SPON1: variants seen among roughly 807,000 people sequenced by gnomAD.
The protein encoded by SPON1 is spondin 1.
SPON1 carries 52 observed loss-of-function variants against 111.7 expected under a neutral mutation model. That is an observed-to-expected ratio of 0.47 (90% CI 0.37 to 0.59). SPON1 has a LOEUF of 0.59. Ranked by LOEUF, SPON1 falls within the 20% of genes least tolerant of loss-of-function variation. SPON1 has a pLI of 0.00. For synonymous variants in SPON1, 410 were observed against 395.8 expected, an observed-to-expected ratio of 1.04 and a Z score of -0.43; for missense variants, 957 against 1,068.5, an observed-to-expected ratio of 0.90 and a Z score of 1.46.
intron 3 of SPON1, among the ~76,000 whole-genome samples, chr11:14,062,962 C>G (rs1848802634): frequency 1.3e-5 from 2 of 151,934 alleles, no homozygotes; most frequent in Admixed American, 6.6e-5. Context: ...TGCTCTTGTT[C>G]CCTTACACAG....
rs1476191492 is a variant in SPON1, at chr11:14,071,945, T to C, written c.480-3400T>C. Among the ~76,000 whole-genome samples, 5 of 152,292 alleles carry C rather than the reference T, an allele frequency of 3.3e-5. No homozygotes were observed. In the East Asian group the frequency reaches 9.7e-4, roughly 29 times the overall value. ...AACTCCTGACCTCAAGTGATCCATC[T>C]ATCTCAGCCTCCCAAAGTGCTGGGA... is the stretch of plus-strand genomic sequence containing the variant. On this transcript the variant is annotated intron_variant, in intron 3 of 15. Coordinates refer to ENST00000576479, the MANE Select transcript of SPON1 (RefSeq NM_006108.4).
intron 6 of SPON1, among the ~76,000 whole-genome samples, chr11:14,169,965 A>G (rs1455715782): frequency 6.6e-6 from 1 of 152,128 alleles, no homozygotes. Flanking sequence ...CTTAGGATTG[A>G]CTTGGCAATG....
In SPON1 at chr11:14,226,028, T is replaced by C. The variant is rs572933175; in HGVS notation, c.826-17304T>C. ...GATTTTTAAAAATTTGTAATACCAGTAATGATAAATAGTGCACATAGTTGT... is the reference window on the plus strand; with the variant it reads ...GATTTTTAAAAATTTGTAATACCAGCAATGATAAATAGTGCACATAGTTGT... On this transcript the variant is annotated intron_variant, in intron 6 of 15. Transcript: ENST00000576479. Among the ~76,000 whole-genome samples the C allele has an allele frequency of 1.1e-4, 16 of 152,376 alleles. No homozygotes were observed. The South Asian group carries it at 2.9e-3, about 28-fold the overall frequency.
intron 5 of SPON1, among the ~76,000 whole-genome samples, chr11:14,113,140 C>T (rs782427063): frequency 9.2e-5 from 14 of 152,172 alleles, no homozygotes; most frequent in Admixed American, 2.0e-4. Flanking sequence ...CCTGTTGCCC[C>T]CTTACTGCAA....
intron 5 of SPON1, among the ~76,000 whole-genome samples, chr11:14,125,982 A>C (rs1355978400): frequency 6.6e-6 from 1 of 152,204 alleles, no homozygotes; most frequent in East Asian, 1.9e-4. Context: ...CCAGTGTTTT[A>C]GTTTAAGTCC....
intron 6 of SPON1, among the ~76,000 whole-genome samples, chr11:14,190,828 G>T (rs560213224): frequency 6.6e-6 from 1 of 151,502 alleles, no homozygotes; most frequent in Non-Finnish European, 1.5e-5. Context: ...TTTAGTAGAG[G>T]TGGGGTTTCA....
intron 6 of SPON1, among the ~76,000 whole-genome samples, chr11:14,190,982 A>C (rs1402046227): frequency 6.6e-6 from 1 of 151,760 alleles, no homozygotes; most frequent in Non-Finnish European, 1.5e-5. Flanking sequence ...AACAAAAAAG[A>C]AAAAAGCACT....
intron 6 of SPON1, among the ~76,000 whole-genome samples, chr11:14,174,397 T>C (rs1436990080): frequency 6.6e-6 from 1 of 152,186 alleles, no homozygotes; most frequent in Non-Finnish European, 1.5e-5. Context: ...TAAAGTGTAT[T>C]TCCTACCTAG....
At position 14,095,488 on chromosome 11, in the gene SPON1, G is replaced by A. The variant is rs535285899; in HGVS notation, c.676+15467G>A. ...TTGAGGAATTGGCTCACATGATTAT[G>A]GAGGCTGAGAAGTTCCACAATCTGC... On this transcript the variant is annotated intron_variant, in intron 5 of 15. Transcript: ENST00000576479. Among the ~76,000 whole-genome samples, 3 of 152,126 alleles carry A rather than the reference G, an allele frequency of 2.0e-5. No individual in the cohort carries two copies. The South Asian group carries it at 6.2e-4, about 32-fold the overall frequency.
At chr11:14,236,915 G>A (rs1360840805) in intron 6 of SPON1, among the ~76,000 whole-genome samples, 1 of 152,216 alleles carries the variant, frequency 6.6e-6, no homozygotes, top group Non-Finnish European at 1.5e-5. Context: ...TCAGAGGAGA[G>A]GTGAGTCTCA....
chr11:14,180,823 T>G (rs985551627), intron 6 of SPON1, among the ~76,000 whole-genome samples: 1 of 152,230 alleles, frequency 6.6e-6, no homozygotes, highest in Non-Finnish European at 1.5e-5. Flanking sequence ...GGACACATCT[T>G]GATTTTCTTT....
intron 6 of SPON1, among the ~76,000 whole-genome samples, chr11:14,208,733 TCTC>T (rs1339233300): frequency 1.3e-5 from 2 of 152,226 alleles, no homozygotes; most frequent in Non-Finnish European, 2.9e-5. Context: ...TTAAATAACT[TCTC>T]CTTTGCCCAT....
At chr11:14,184,497 G>A (rs2133888749) in intron 6 of SPON1, among the ~76,000 whole-genome samples, 1 of 152,344 alleles carries the variant, frequency 6.6e-6, no homozygotes, top group African/African-American at 2.4e-5. Flanking sequence ...TAAGAGTAAG[G>A]CTAAGTGGAG....
chr11:14,251,593 C>G (rs534347926), intron 7 of SPON1, among the ~76,000 whole-genome samples: 90 of 152,274 alleles, frequency 5.9e-4, no homozygotes, highest in Middle Eastern at 3.4e-3. Context: ...ATATGAATGA[C>G]TAATCTGGCC....
intron 6 of SPON1, among the ~76,000 whole-genome samples, chr11:14,192,246 GATATAT>G (rs35202633): frequency 4.9e-4 from 71 of 144,198 alleles, no homozygotes; most frequent in Middle Eastern, 3.6e-3. Context: ...TATCATTAGG[GATATAT>G]ATATATATAT....
At chr11:14,153,697 A>C (rs1847811546) in intron 6 of SPON1, among the ~76,000 whole-genome samples, 1 of 152,188 alleles carries the variant, frequency 6.6e-6, no homozygotes, top group African/African-American at 2.4e-5. Context: ...CCTTCCCAAC[A>C]GTCTCCCAAA....
rs374926159 is a variant in SPON1, at chr11:14,228,204, G to A, written c.826-15128G>A. 2.6e-5 allele frequency among the ~76,000 whole-genome samples: 4 copies of A among 152,068 alleles called. No homozygotes were observed. In the East Asian group the frequency reaches 5.8e-4, roughly 22 times the overall value. On this transcript the variant is annotated intron_variant, in intron 6 of 15. Coordinates refer to ENST00000576479, the MANE Select transcript of SPON1 (RefSeq NM_006108.4). The surrounding 1 kb of genome is among the most constrained non-coding windows in gnomAD (Gnocchi z 4.2). ...GGTATGCATACACCAGGGCCCTTTG[G>A]GCTAACTCAGTTCTCCCACTGTTCT...
At chr11:14,045,635 A>G (rs1011917037) in intron 3 of SPON1, among the ~76,000 whole-genome samples, 4 of 145,072 alleles carry the variant, frequency 2.8e-5, no homozygotes, top group African/African-American at 9.9e-5. Context: ...TATATATTAT[A>G]TTTAAAATAT....
chr11:14,012,945 C>CT (rs1420254910), intron 2 of SPON1, among the ~76,000 whole-genome samples: 2 of 152,180 alleles, frequency 1.3e-5, no homozygotes, highest in Admixed American at 6.5e-5. Context: ...CATATTCTGC[C>CT]TTACTGAAGA....
Sources: gnomAD v4.1 joint callset for allele counts (sites outside exome capture counted in the v4.1 genomes callset) on GRCh38, gnomAD v4.1.1 for gene constraint, Gnocchi (gnomAD v3.1) non-coding constraint, MANE v1.5 for transcripts, NCBI Gene and HGNC (gene_info 2026-07-23, HGNC 2026-07-21) for gene names.